The following HLCS variants were observed in gnomAD, a reference collection of about 807,000 sequenced individuals.
HLCS encodes the protein holocarboxylase synthetase.
In HLCS, 53 loss-of-function variants were observed where a neutral mutation model predicts 75.0. The observed-to-expected ratio is 0.71, with a 90% confidence interval of 0.57 to 0.89. The LOEUF (loss-of-function observed/expected upper bound fraction) is 0.89. Ranked by LOEUF, HLCS falls within the 40% of genes least tolerant of loss-of-function variation. HLCS has a pLI of 0.00. For synonymous variants in HLCS, 431 were observed against 428.6 expected, an observed-to-expected ratio of 1.01 and a Z score of -0.07; for missense variants, 966 against 1,074.0, an observed-to-expected ratio of 0.90 and a Z score of 1.41.
intron 6 of HLCS, among the ~76,000 whole-genome samples, chr21:36,892,826 A>G (rs2064848460): frequency 6.6e-6 from 1 of 152,236 alleles, no homozygotes. Flanking sequence ...TTTCACTCCT[A>G]CTTCAGCCCA....
chr21:36,811,423 C>T (rs1036275682), intron 6 of HLCS, among the ~76,000 whole-genome samples: 2 of 152,198 alleles, frequency 1.3e-5, no homozygotes, highest in African/African-American at 4.8e-5. Flanking sequence ...CAGGTGAGGC[C>T]AGGGAGGCGG....
intron 6 of HLCS, 37 bp from the exon 7 acceptor site, chr21:36,767,322 T>C (rs867620141): frequency 1.3e-6 from 2 of 1,595,472 alleles, no homozygotes; most frequent in Middle Eastern, 1.7e-4. Context: ...AGGCCAGACA[T>C]GGACACGCCC....
intron 2 of HLCS, among the ~76,000 whole-genome samples, chr21:36,961,612 T>A (rs569995444): frequency 1.6e-4 from 24 of 151,322 alleles, no homozygotes; most frequent in Admixed American, 1.1e-3. Context: ...ACCCAAAATA[T>A]CCAAAGAGAA....
intron 5 of HLCS, among the ~76,000 whole-genome samples, chr21:36,927,615 G>A (rs1435511086): frequency 6.6e-6 from 1 of 152,170 alleles, no homozygotes; most frequent in Non-Finnish European, 1.5e-5. Flanking sequence ...AACGTTGAAT[G>A]AAAGATGAAT....
At position 36,765,570 on chromosome 21, in the gene HLCS, T is replaced by C. The variant is rs536691665; in HGVS notation, c.1961-398A>G. Reference sequence around the variant, plus strand: ...CCTGGAAGCCACTGTTTAGAAGCAATTCCTATTGTGGCGATGGTTGCTCAG... The same window carrying C: ...CCTGGAAGCCACTGTTTAGAAGCAACTCCTATTGTGGCGATGGTTGCTCAG... On this transcript the variant is annotated intron_variant, in intron 7 of 10. Transcript: ENST00000674895. Among the ~76,000 whole-genome samples, 3 of 152,214 alleles carry C rather than the reference T, an allele frequency of 2.0e-5. No individual in the cohort carries two copies. The South Asian group carries it at 6.2e-4, about 32-fold the overall frequency.
intron 6 of HLCS, among the ~76,000 whole-genome samples, chr21:36,869,374 C>T (rs1209162542): frequency 1.3e-5 from 2 of 152,068 alleles, no homozygotes; most frequent in Non-Finnish European, 2.9e-5. Flanking sequence ...CCTCGTGATC[C>T]GCCCACCTCG....
rs1245601073 is a variant in HLCS at position 36,936,889 on chromosome 21, G to A, written c.997C>T (p.Leu333=). 1 of 1,614,202 alleles carries A rather than the reference G, an allele frequency of 6.2e-7. No individual in the cohort carries two copies. The highest frequency in any genetic ancestry group is 2.2e-5 in the East Asian group (1 of 44,872). ...LGRFHEVRSV[L]ADCVDIDSYI... ...CTGTCAATGTCCACACAGTCGGCCA[G>A]CACAGACCGGACCTCGTGGAACCGG... The change falls in exon 4 of 11, where the codon CTG becomes TTG. Residue 333 remains leucine (L), a synonymous_variant. Coordinates refer to ENST00000674895, the MANE Select transcript of HLCS (RefSeq NM_001352514.2).
rs372928673 is a variant in HLCS, at chr21:36,843,348, C to T, written c.1892+53512G>A. On this transcript the variant is annotated intron_variant, in intron 6 of 10. Transcript: ENST00000674895. Reference sequence around the variant, plus strand: ...AGCTACTTGGGAGGCTGAGGTAGGGCGATCACATGAGCCCAGGAAGTCGAG... The same window carrying T: ...AGCTACTTGGGAGGCTGAGGTAGGGTGATCACATGAGCCCAGGAAGTCGAG... 1.5e-3 allele frequency among the ~76,000 whole-genome samples: 224 copies of T among 152,118 alleles called. 2 individuals are homozygous for T. Among genetic ancestry groups the T allele is most frequent in the African/African-American group, 5.2e-3 (214 of 41,488 alleles).
chr21:36,957,052 CAAAA>C (rs3035105), intron 2 of HLCS, among the ~76,000 whole-genome samples: 31 of 108,044 alleles, frequency 2.9e-4, no homozygotes, highest in Non-Finnish European at 4.6e-4. Flanking sequence ...GACTCCGTCT[CAAAA>C]AAAAAAAAAA....
chr21:36,852,964 G>A (rs1305824197), intron 6 of HLCS, among the ~76,000 whole-genome samples: 1 of 152,174 alleles, frequency 6.6e-6, no homozygotes, highest in African/African-American at 2.4e-5. Flanking sequence ...CACAGAAGAA[G>A]GAGAAGGAGG....
At chr21:36,946,615 C>T (rs1424010530) in intron 2 of HLCS, among the ~76,000 whole-genome samples, 3 of 151,374 alleles carry the variant, frequency 2.0e-5, no homozygotes, top group African/African-American at 4.9e-5. Flanking sequence ...TTATTCTCCT[C>T]GGAAAAACAA....
Position 36,937,300 on chromosome 21 carries a change from G to GCCTTA in HLCS, c.585_586insTAAGG (p.Leu196Ter), listed in dbSNP as rs1163861637. On this transcript the variant is annotated stop_gained and frameshift_variant, in exon 4 of 11. Coordinates refer to ENST00000674895, the MANE Select transcript of HLCS (RefSeq NM_001352514.2). LOFTEE classifies it high-confidence loss of function. Reference sequence around the variant, plus strand: ...CCGTCCTGCTCAGGCTTAATCTCAAGAGAAGGTTCAGGCTTCGGCTCTAGG... The same window carrying GCCTTA: ...CCGTCCTGCTCAGGCTTAATCTCAAGCCTTAAGAAGGTTCAGGCTTCGGCTCTAGG... 6.8e-6 allele frequency: 11 copies of GCCTTA among 1,614,046 alleles called. No homozygotes were observed. Among genetic ancestry groups the GCCTTA allele is most frequent in the Middle Eastern group, 1.6e-4 (1 of 6,084 alleles).
chr21:36,788,637 C>G (rs549673571), intron 6 of HLCS, among the ~76,000 whole-genome samples: 17 of 152,246 alleles, frequency 1.1e-4, no homozygotes, highest in African/African-American at 3.9e-4. Context: ...TGGGTAGGGT[C>G]TGGGAGAGAG....
intron 2 of HLCS, among the ~76,000 whole-genome samples, chr21:36,951,525 G>C (rs1222997315): frequency 2.0e-5 from 3 of 152,104 alleles, no homozygotes; most frequent in Non-Finnish European, 4.4e-5. Flanking sequence ...ACTTAACATG[G>C]TGACCTTTAA....
At chr21:36,967,653 G>C (rs753155712), upstream of HLCS, among the ~76,000 whole-genome samples, 1 of 152,248 alleles carries the variant, frequency 6.6e-6, no homozygotes, top group Non-Finnish European at 1.5e-5. Flanking sequence ...GGCCCTCGCT[G>C]AAAATAGGTG....
chr21:36,843,255 A>G (rs979469239), intron 6 of HLCS, among the ~76,000 whole-genome samples: 1 of 152,220 alleles, frequency 6.6e-6, no homozygotes, highest in African/African-American at 2.4e-5. Flanking sequence ...CCTGGGAAAC[A>G]TGGCAAGACC....
At chr21:36,769,737 T>C (rs189941970) in intron 6 of HLCS, among the ~76,000 whole-genome samples, 25 of 152,338 alleles carry the variant, frequency 1.6e-4, no homozygotes, top group Non-Finnish European at 4.4e-5. Flanking sequence ...ACCACTTTGG[T>C]TACTAAGGAC....
At chr21:36,872,003 T>C (rs957544991) in intron 6 of HLCS, among the ~76,000 whole-genome samples, 1 of 152,242 alleles carries the variant, frequency 6.6e-6, no homozygotes, top group Non-Finnish European at 1.5e-5. Context: ...TTGGTGAAGA[T>C]GTAGAGGACC....
intron 1 of HLCS, among the ~76,000 whole-genome samples, chr21:36,977,735 A>T (rs1378028295): frequency 6.6e-6 from 1 of 152,224 alleles, no homozygotes; most frequent in Non-Finnish European, 1.5e-5. Flanking sequence ...AAATGCACAC[A>T]TTCAGTGGCC....
Sources: allele counts gnomAD v4.1 joint callset (sites outside exome capture counted in the v4.1 genomes callset), GRCh38; gene constraint gnomAD v4.1.1; transcripts MANE v1.5; gene names NCBI Gene and HGNC (gene_info 2026-07-23, HGNC 2026-07-21).